Variants in RHOA observed in about 807,000 individuals in gnomAD.
RHOA encodes ras homolog family member A.
In RHOA, 3 loss-of-function variants were observed where a neutral mutation model predicts 17.5. The observed-to-expected ratio is 0.17, with a 90% CI of 0.08 to 0.44. The LOEUF (loss-of-function observed/expected upper bound fraction) is 0.44. Among genes scored for constraint, RHOA ranks in the 20% least tolerant of loss-of-function variants. RHOA has a pLI of 0.99. For missense variants in RHOA, 56 were observed against 242.3 expected (o/e 0.23, Z 5.10); for synonymous variants, 98 against 88.4 (o/e 1.11, Z -0.61).
chr3:49,410,052 G>A (rs1391840488), intron 1 of RHOA, among the ~76,000 whole-genome samples: 1 of 152,160 alleles, frequency 6.6e-6, no homozygotes, highest in Non-Finnish European at 1.5e-5. Flanking sequence ...AGTTAACAAG[G>A]GGAGAGTGCT....
At chr3:49,381,710 G>T (rs6766297) in intron 1 of RHOA, among the ~76,000 whole-genome samples, 2 of 151,946 alleles carry the variant, frequency 1.3e-5, no homozygotes, top group Non-Finnish European at 2.9e-5. Flanking sequence ...ACTAAAAATA[G>T]AAAAATTAGC....
At chr3:49,376,856 C>T (rs557147346) in intron 1 of RHOA, among the ~76,000 whole-genome samples, 86 of 151,952 alleles carry the variant, frequency 5.7e-4, no homozygotes, top group Non-Finnish European at 1.1e-3. Context: ...TGGCTGGGCG[C>T]GGTGGCTCAC....
In RHOA at chr3:49,377,844, G is replaced by T. The variant is rs2048256379; in HGVS notation, c.-2-2253C>A. ...CTGGCTCAGGATCTCTTGCAAGGTT[G>T]AAATCATAAAGAACTCTTTTTGGGC... is the stretch of plus-strand genomic sequence containing the variant. On this transcript the variant is annotated intron_variant, in intron 1 of 4. Coordinates refer to ENST00000418115, the MANE Select transcript of RHOA (RefSeq NM_001664.4). 2.6e-5 allele frequency among the ~76,000 whole-genome samples: 4 copies of T among 151,684 alleles called. 1 individual carries two copies. In the South Asian group the frequency reaches 8.3e-4, roughly 31 times the overall value.
At chr3:49,392,523 T>C (rs948834334) in intron 1 of RHOA, among the ~76,000 whole-genome samples, 4 of 152,302 alleles carry the variant, frequency 2.6e-5, no homozygotes, top group South Asian at 2.1e-4. Flanking sequence ...TTTTAAAGTA[T>C]TGAATAAAAG....
chr3:49,369,674 G>T (rs2048119902), intron 2 of RHOA, among the ~76,000 whole-genome samples: 1 of 151,946 alleles, frequency 6.6e-6, no homozygotes, highest in Non-Finnish European at 1.5e-5. Context: ...GGCAAAGGTT[G>T]CAGTGAGCCA....
chr3:49,367,622 A>C (rs1481744264), intron 3 of RHOA, among the ~76,000 whole-genome samples: 1 of 151,884 alleles, frequency 6.6e-6, no homozygotes, highest in Non-Finnish European at 1.5e-5. Flanking sequence ...CCCAGGCTCA[A>C]GTGATTCTCC....
intron 2 of RHOA, among the ~76,000 whole-genome samples, chr3:49,371,485 T>G (rs909968505): frequency 4.6e-5 from 7 of 152,108 alleles, no homozygotes; most frequent in African/African-American, 1.7e-4. Flanking sequence ...TTTGCCATGT[T>G]GGGCAGGCTG....
intron 2 of RHOA, among the ~76,000 whole-genome samples, chr3:49,372,733 CA>C (rs11460016): frequency 0.06 from 4,961 of 82,962 alleles, 168 homozygotes; most frequent in African/African-American, 0.2. Context: ...GACTCTGTCT[CA>C]AAAAAAAAAA....
intron 1 of RHOA, among the ~76,000 whole-genome samples, chr3:49,400,297 T>C (rs1406365850): frequency 6.7e-6 from 1 of 148,552 alleles, no homozygotes; most frequent in Non-Finnish European, 1.5e-5. Flanking sequence ...TAACCAAAAC[T>C]GGCCACCCCC....
chr3:49,370,943 C>T (rs1203155318), intron 2 of RHOA, among the ~76,000 whole-genome samples: 1 of 152,154 alleles, frequency 6.6e-6, no homozygotes, highest in Non-Finnish European at 1.5e-5. Context: ...CCCCAGGATG[C>T]ATCACAAATA....
chr3:49,397,721 T>TACGAGATTAGAGGGGA (rs1377801377), intron 1 of RHOA, among the ~76,000 whole-genome samples: 3 of 152,036 alleles, frequency 2.0e-5, no homozygotes, highest in Non-Finnish European at 2.9e-5. Flanking sequence ...AGAGCAACAT[T>TACGAGATTAGAGGGGA]ACGAGATTAG....
At chr3:49,367,366 A>AAAAAAAAAAAAAAAAT in intron 3 of RHOA, among the ~76,000 whole-genome samples, 1 of 146,560 alleles carries the variant, frequency 6.8e-6, no homozygotes, top group African/African-American at 2.5e-5. Context: ...AAAAAAAAAA[A>AAAAAAAAAAAAAAAAT]GAATACTGAC....
At chr3:49,392,040 C>G (rs1473685118) in intron 1 of RHOA, among the ~76,000 whole-genome samples, 1 of 151,720 alleles carries the variant, frequency 6.6e-6, no homozygotes, top group Non-Finnish European at 1.5e-5. Flanking sequence ...ATTGGCCAGG[C>G]TGGTCTCGAA....
At chr3:49,360,757 C>T (rs2107826967) in intron 4 of RHOA, among the ~76,000 whole-genome samples, 1 of 148,740 alleles carries the variant, frequency 6.7e-6, no homozygotes, top group Non-Finnish European at 1.5e-5. Context: ...TGTACCCAGC[C>T]TAAAAAAAAA....
intron 1 of RHOA, among the ~76,000 whole-genome samples, chr3:49,400,773 C>T (rs2048709233): frequency 6.6e-6 from 1 of 151,564 alleles, no homozygotes; most frequent in Admixed American, 6.6e-5. Flanking sequence ...CAGCCGGGCA[C>T]GGTGGCTCAC....
At position 49,360,074 on chromosome 3, in the gene RHOA, CTGGTAG is replaced by C; in HGVS notation, c.*129_*134del. On this transcript the variant is annotated 3_prime_UTR_variant, in exon 5 of 5. Coordinates refer to ENST00000418115, the MANE Select transcript of RHOA (RefSeq NM_001664.4). ...AATAATCATAGTTGGCTTCTAAATACTGGTAGCAAGATGACTTCTGATTTGTAATCT... is the reference window on the plus strand; with the variant it reads ...AATAATCATAGTTGGCTTCTAAATACCAAGATGACTTCTGATTTGTAATCT... 9.6e-7 allele frequency: 1 copy of C among 1,043,348 alleles called. No homozygotes were observed. The allele number at this position is 1,043,348 out of a possible 1,614,324, so 64.6% of individuals were successfully genotyped here.
chr3:49,372,169 C>G (rs1260129425), intron 2 of RHOA, among the ~76,000 whole-genome samples: 9 of 152,136 alleles, frequency 5.9e-5, no homozygotes, highest in Admixed American at 5.9e-4. Context: ...GATGTCATCA[C>G]ATTTCTACCT....
At position 49,411,820 on chromosome 3, in the gene RHOA, C is replaced by G. The variant is rs1265078685; in HGVS notation, c.-3G>C. ...GCCTGGAGGGAACCCTTCCGCTCAC[C>G]TCAGGCAACGAATCCGAGTCCAGCC... On this transcript the variant is annotated splice_region_variant and 5_prime_UTR_variant, in exon 1 of 5. Coordinates refer to ENST00000418115, the MANE Select transcript of RHOA (RefSeq NM_001664.4). 6.6e-6 allele frequency: 1 copy of G among 152,052 alleles called. No homozygotes were observed. Among genetic ancestry groups the G allele is most frequent in the African/African-American group, 2.4e-5 (1 of 41,416 alleles). 9.4% of individuals were successfully genotyped at this position (152,052 alleles called of 1,614,324 possible).
rs1341638073 is a variant in RHOA, at chr3:49,359,570, CAGTATT to C, written c.*633_*638del. 3 of 205,372 alleles carry C rather than the reference CAGTATT, an allele frequency of 1.5e-5. No individual in the cohort carries two copies. The allele number at this position is 205,372 out of a possible 1,614,324, so 12.7% of individuals were successfully genotyped here. A position where few individuals can be genotyped will look rare whatever the true frequency, so the allele number is the denominator to read the frequency against. The stretch of plus-strand genomic sequence containing the variant: ...ACCAATACACTTTCTTTGAGGATGA[CAGTATT>C]AGGAAATCCAATTATACAAAAAATA... On this transcript the variant is annotated 3_prime_UTR_variant, in exon 5 of 5. Coordinates refer to ENST00000418115, the MANE Select transcript of RHOA (RefSeq NM_001664.4).
Sources: gnomAD v4.1 joint callset for allele counts (sites outside exome capture counted in the v4.1 genomes callset) on GRCh38, gnomAD v4.1.1 for gene constraint, MANE v1.5 for transcripts, NCBI Gene and HGNC (gene_info 2026-07-23, HGNC 2026-07-21) for gene names.